MED24: variants seen among roughly 807,000 people sequenced by gnomAD.
MED24 encodes mediator of RNA polymerase II transcription subunit 24.
MED24 carries 74 observed loss-of-function variants against 118.8 expected under a neutral mutation model. The observed-to-expected ratio is 0.62, with a 90% CI of 0.52 to 0.76. The LOEUF is 0.76. MED24 is among the 30% of genes least tolerant of loss of function. The pLI is 0.00. For missense variants in MED24, 1,041 were observed against 1,278.9 expected, an observed-to-expected ratio of 0.81 and a Z score of 2.84; for synonymous variants, 521 against 523.9, an observed-to-expected ratio of 0.99 and a Z score of 0.08.
At chr17:40,021,919 GA>G in intron 23 of MED24, 35 bp downstream of exon 23, 4 of 1,460,436 alleles carry the variant, frequency 2.7e-6, no homozygotes, top group South Asian at 2.5e-5. Flanking sequence ...GAATTCCCAG[GA>G]AAAGGAGCGG....
At chr17:40,043,029 G>A (rs762344101) in intron 3 of MED24, among the ~76,000 whole-genome samples, 15 of 152,182 alleles carry the variant, frequency 9.9e-5, no homozygotes, top group Non-Finnish European at 1.3e-4. Context: ...TCAGCTCACC[G>A]CAAGTGCGCC....
chr17:40,026,063 G>A (rs1982609338), intron 19 of MED24, 93 bp downstream of exon 19: 17 of 1,339,580 alleles, frequency 1.3e-5, no homozygotes, highest in African/African-American at 7.2e-5. Context: ...GCGTGTTTGC[G>A]AAGGTCAGAA....
chr17:40,023,695 A>C, intron 19 of MED24: 3 of 315,974 alleles, frequency 9.5e-6, no homozygotes, highest in East Asian at 6.8e-5. Flanking sequence ...AACTTCCCCC[A>C]TCCCCCAGGC....
chr17:40,031,933 C>G, intron 10 of MED24, 110 bp downstream of exon 10: 1 of 1,269,588 alleles, frequency 7.9e-7, no homozygotes, highest in Non-Finnish European at 1.1e-6. Flanking sequence ...GGTGTACACT[C>G]ACATCCGGCT....
intron 3 of MED24, among the ~76,000 whole-genome samples, chr17:40,036,623 G>A (rs2144927846): frequency 6.6e-6 from 1 of 150,468 alleles, no homozygotes; most frequent in East Asian, 2.0e-4. Flanking sequence ...GGGAGTTGGA[G>A]GTTGCAGTGA....
intron 3 of MED24, among the ~76,000 whole-genome samples, chr17:40,049,662 G>A (rs188997966): frequency 1.1e-4 from 16 of 152,094 alleles, no homozygotes; most frequent in Admixed American, 9.8e-4. Flanking sequence ...AAGTAGCTGG[G>A]ATTACAGGCA....
intron 1 of MED24, chr17:40,054,047 T>A (rs1455974395): frequency 8.4e-6 from 2 of 236,966 alleles, no homozygotes; most frequent in Non-Finnish European, 1.7e-5. Flanking sequence ...GTAGAATCGC[T>A]TGAACCCGGG....
At chr17:40,034,291 T>C (rs1983703543) in intron 6 of MED24, among the ~76,000 whole-genome samples, 1 of 152,202 alleles carries the variant, frequency 6.6e-6, no homozygotes, top group East Asian at 1.9e-4. Flanking sequence ...GTCAACACAG[T>C]CCATTTTTAT....
intron 3 of MED24, among the ~76,000 whole-genome samples, chr17:40,043,246 A>G (rs1364696236): frequency 2.0e-5 from 3 of 152,086 alleles, no homozygotes; most frequent in African/African-American, 7.2e-5. Context: ...TGTTGTTAAT[A>G]ATGAGATTTT....
In MED24 at chr17:40,033,895, C is replaced by T; in HGVS notation, c.560-439G>A. The stretch of plus-strand genomic sequence containing the variant: ...CCTAAATGGCTTTCTCATTCTCAAC[C>T]ACTCCCTCATCTAGGCATTGCGTTT... On this transcript the variant is annotated intron_variant, in intron 6 of 25. Coordinates refer to ENST00000394128, the MANE Select transcript of MED24 (RefSeq NM_014815.4). This position sits in a 1 kb window ranked among gnomAD's most constrained non-coding sequence, Gnocchi z 5.2. 1 of 381,304 alleles carries T rather than the reference C, an allele frequency of 2.6e-6. No homozygotes were observed. Among genetic ancestry groups the T allele is most frequent in the South Asian group, 1.9e-5 (1 of 51,624 alleles). 23.6% of individuals were successfully genotyped at this position (381,304 alleles called of 1,614,324 possible). A position where few individuals can be genotyped will look rare whatever the true frequency, so the allele number is the denominator to read the frequency against.
chr17:40,031,940 G>T, intron 10 of MED24, 103 bp downstream of exon 10: 1 of 1,320,458 alleles, frequency 7.6e-7, no homozygotes, highest in Non-Finnish European at 1.1e-6. Context: ...ACTCACATCC[G>T]GCTCTCTTCC....
chr17:40,035,150 C>T lies in MED24; in HGVS notation c.526G>A (p.Ala176Thr), dbSNP rs140001771. The T allele has an allele frequency of 6.2e-7, 1 of 1,614,102 alleles. No homozygotes were observed. Among genetic ancestry groups the T allele is most frequent in the South Asian group, 1.1e-5 (1 of 91,080 alleles). The change falls in exon 6 of 26, where the codon GCC (alanine) becomes ACC (threonine). Residue 176 changes from alanine to threonine, a missense_variant. This residue lies in a region of MED24 where 434 missense variants were observed against 514.9 expected (regional missense o/e 0.84). Coordinates refer to ENST00000394128, the MANE Select transcript of MED24 (RefSeq NM_014815.4). ...EKTLSSTKNRALLHIAKLEEA... is the reference protein window; with the variant it reads ...EKTLSSTKNRTLLHIAKLEEA... Reference sequence around the variant, plus strand: ...TCTAGTTTGGCGATGTGCAGCAGGGCCCGGTTCTTGGTGCTGCTGAGGGTT... The same window carrying T: ...TCTAGTTTGGCGATGTGCAGCAGGGTCCGGTTCTTGGTGCTGCTGAGGGTT...
At chr17:40,041,099 C>G (rs892768367) in intron 3 of MED24, among the ~76,000 whole-genome samples, 3 of 152,144 alleles carry the variant, frequency 2.0e-5, no homozygotes, top group African/African-American at 7.2e-5. Flanking sequence ...CTTCCATTGA[C>G]TATTCAACGC....
rs954126437 is a variant in MED24, at chr17:40,040,018, C to T, written c.214-3864G>A. 2.6e-5 allele frequency among the ~76,000 whole-genome samples: 4 copies of T among 151,588 alleles called. No individual in the cohort carries two copies. In the East Asian group the frequency reaches 5.8e-4, roughly 22 times the overall value. ...CAGGATGGTCACGATCTCCTGACCT[C>T]GTGATCTGCCCACCTCGGCCTCCCA... On this transcript the variant is annotated intron_variant, in intron 3 of 25. Coordinates refer to ENST00000394128, the MANE Select transcript of MED24 (RefSeq NM_014815.4).
rs1052425782 is a variant in MED24, at chr17:40,031,755, G to T, written c.985-135C>A. On this transcript the variant is annotated intron_variant, in intron 10 of 25. Coordinates refer to ENST00000394128, the MANE Select transcript of MED24 (RefSeq NM_014815.4). ...GCCTGGAGCCTGGGTGTATGTTGTG[G>T]GTGCACGCAGACGCTGAAGCACACA... 8.4e-6 allele frequency: 7 copies of T among 830,982 alleles called. No individual in the cohort carries two copies. The Admixed American group carries it at 1.8e-4, about 22-fold the overall frequency. 51.5% of individuals were successfully genotyped at this position (830,982 alleles called of 1,614,324 possible).
At chr17:40,021,874 G>T (rs911233578) in intron 23 of MED24, 81 bp downstream of exon 23, 2 of 1,064,168 alleles carry the variant, frequency 1.9e-6, no homozygotes, top group Non-Finnish European at 2.8e-6. Context: ...GATGCCTGCA[G>T]CTGGGGCAGC....
At chr17:40,022,169 GC>G (rs2144859268) in intron 22 of MED24, 115 bp from the exon 23 acceptor site, 1 of 928,842 alleles carries the variant, frequency 1.1e-6, no homozygotes, top group African/African-American at 1.7e-5. Context: ...CAGGGCCTCA[GC>G]CCCTCTCTGC....
chr17:40,042,833 T>C (rs921014802), intron 3 of MED24, among the ~76,000 whole-genome samples: 2 of 152,198 alleles, frequency 1.3e-5, no homozygotes, highest in African/African-American at 4.8e-5. Flanking sequence ...AAATAATAAA[T>C]GTGGATCCCA....
rs1272892446 is a variant in MED24 at position 40,033,878 on chromosome 17, G to T, written c.560-422C>A. The T allele has an allele frequency of 5.1e-6, 2 of 389,508 alleles. No individual in the cohort carries two copies. The highest frequency in any genetic ancestry group is 1.4e-4 in the East Asian group (2 of 13,944). 24.1% of individuals were successfully genotyped at this position (389,508 alleles called of 1,614,324 possible). ...TCTGGGGGAACTGGGTCCCTAAATG[G>T]CTTTCTCATTCTCAACCACTCCCTC... is the stretch of plus-strand genomic sequence containing the variant. On this transcript the variant is annotated intron_variant, in intron 6 of 25. Transcript: ENST00000394128. The surrounding 1 kb of genome is among the most constrained non-coding windows in gnomAD (Gnocchi z 5.2).
Sources: allele counts gnomAD v4.1 joint callset (sites outside exome capture counted in the v4.1 genomes callset), GRCh38; gene constraint gnomAD v4.1.1; regional missense constraint gnomAD v4.1.1; non-coding constraint Gnocchi (gnomAD v3.1); transcripts MANE v1.5; gene names NCBI Gene and HGNC (gene_info 2026-07-23, HGNC 2026-07-21).